Variants in PRKDC observed in about 807,000 individuals in gnomAD.
The protein encoded by PRKDC is protein kinase, DNA-activated, catalytic subunit.
PRKDC carries 82 observed loss-of-function variants against 486.9 expected under a neutral mutation model. That is an observed-to-expected ratio of 0.17 (90% CI 0.14 to 0.20). PRKDC has a LOEUF of 0.20. Among genes scored for constraint, PRKDC ranks in the 10% least tolerant of loss-of-function variants. The pLI, the probability that PRKDC is intolerant of heterozygous loss-of-function variation, is 1.00. For synonymous variants in PRKDC, 1,895 were observed against 1,837.0 expected, an observed-to-expected ratio of 1.03 and a Z score of -0.81; for missense variants, 4,504 against 5,038.2, an observed-to-expected ratio of 0.89 and a Z score of 3.21.
chr8:47,907,411 T>TATATATATAC (rs1442172975), intron 25 of PRKDC, among the ~76,000 whole-genome samples: 78 of 148,934 alleles, frequency 5.2e-4, no homozygotes, highest in Non-Finnish European at 8.3e-4. Context: ...TATATATATA[T>TATATATATAC]ACACACACAC....
At chr8:47,937,315 T>A (rs2090369241) in intron 11 of PRKDC, among the ~76,000 whole-genome samples, 1 of 152,198 alleles carries the variant, frequency 6.6e-6, no homozygotes, top group Non-Finnish European at 1.5e-5. Context: ...TGTATAATAA[T>A]CTGTAACCAC....
chr8:47,942,481 T>A (rs894605898), intron 10 of PRKDC, among the ~76,000 whole-genome samples: 35 of 152,222 alleles, frequency 2.3e-4, no homozygotes, highest in African/African-American at 8.2e-4. Context: ...CTTCCACACA[T>A]CCCGGCTGTG....
intron 80 of PRKDC, 134 bp from the exon 81 acceptor site, chr8:47,779,227 C>G: frequency 1.6e-6 from 1 of 617,080 alleles, no homozygotes; most frequent in Non-Finnish European, 2.8e-6. Flanking sequence ...TAACCATATT[C>G]AATATTAACA....
intron 13 of PRKDC, 79 bp from the exon 14 acceptor site, chr8:47,935,137 C>A: frequency 9.5e-7 from 1 of 1,053,736 alleles, no homozygotes; most frequent in South Asian, 1.6e-5. Context: ...AACAAACAGT[C>A]ATTATATTTT....
In PRKDC at chr8:47,777,821, A is replaced by C. The variant is rs1245989038; in HGVS notation, c.11907T>G (p.Asn3969Lys). The stretch of plus-strand genomic sequence containing the variant: ...CCGTTTCTTTCATTGGTAACATCAG[A>C]TTGATAAACTGGCGAGTTAGCCGAA... ...MPFRLTRQFI[N>K]LMLPMKETGL... is the part of the protein sequence containing the mutation. The change falls in exon 84 of 86, where the codon AAT becomes AAG. Residue 3969 changes from asparagine (N) to lysine (K), a missense_variant. Coordinates refer to ENST00000314191, the MANE Select transcript of PRKDC (RefSeq NM_006904.7). 1.2e-6 allele frequency: 2 copies of C among 1,613,904 alleles called. No individual in the cohort carries two copies. The highest frequency in any genetic ancestry group is 4.5e-5 in the East Asian group (2 of 44,898).
rs371935710 is a variant in PRKDC, at chr8:47,864,726, C to T, written c.5401G>A (p.Val1801Met). 7 of 1,603,766 alleles carry T rather than the reference C, an allele frequency of 4.4e-6. No homozygotes were observed. The African/African-American group carries it at 5.3e-5, about 12-fold the overall frequency. Residue 1801 changes from valine (V) to methionine (M), a missense_variant, in exon 41 of 86, where the codon GTG becomes ATG. By Grantham distance (21) the Val-to-Met change is conservative (BLOSUM62 1). Coordinates refer to ENST00000314191, the MANE Select transcript of PRKDC (RefSeq NM_006904.7). ...TCATCCTTCCTGAACATTTCATACA[C>T]GCTTTCCAGAAGGCCTACTTGTGTG... is the stretch of plus-strand genomic sequence containing the variant. ...CVTQVGLLES[V>M]YEMFRKDDPR...
intron 64 of PRKDC, among the ~76,000 whole-genome samples, chr8:47,822,479 T>C (rs530059162): frequency 4.9e-4 from 75 of 152,196 alleles, no homozygotes; most frequent in Middle Eastern, 6.8e-3. Flanking sequence ...TTGTAGAAAA[T>C]TGCAGAGGAT....
chr8:47,880,631 A>C (rs1304855802), intron 38 of PRKDC, among the ~76,000 whole-genome samples: 1 of 152,194 alleles, frequency 6.6e-6, no homozygotes, highest in Non-Finnish European at 1.5e-5. Context: ...ATCACCAAAA[A>C]TTTTTATATT....
At chr8:47,881,288 C>T in intron 38 of PRKDC, 128 bp downstream of exon 38, 1 of 622,390 alleles carries the variant, frequency 1.6e-6, no homozygotes, top group South Asian at 2.1e-5. Context: ...CGGGGGATTA[C>T]TGTGCTAGTC....
At position 47,782,363 on chromosome 8, in the gene PRKDC, C is replaced by T. The variant is rs780151027; in HGVS notation, c.11396+15G>A. The T allele has an allele frequency of 1.9e-6, 3 of 1,606,840 alleles. No homozygotes were observed. Among genetic ancestry groups the T allele is most frequent in the Non-Finnish European group, 2.5e-6 (3 of 1,176,482 alleles). On this transcript the variant is annotated intron_variant, in intron 79 of 85. Coordinates refer to ENST00000314191, the MANE Select transcript of PRKDC (RefSeq NM_006904.7). The surrounding 1 kb of genome is among the most constrained non-coding windows in gnomAD (Gnocchi z 4.9). Reference sequence around the variant, plus strand: ...TATGCAGCAGCCTACTGGCTGGGAGCAGCCTGGCAGTTACCTGGAGGTCAT... The same window carrying T: ...TATGCAGCAGCCTACTGGCTGGGAGTAGCCTGGCAGTTACCTGGAGGTCAT...
In PRKDC at chr8:47,879,507, A is replaced by C. The variant is rs2089162943; in HGVS notation, c.5219T>G (p.Val1740Gly). The C allele has an allele frequency of 8.8e-6, 14 of 1,590,834 alleles. No homozygotes were observed. In the East Asian group the frequency reaches 3.2e-4, roughly 36 times the overall value. Residue 1740 changes from valine (V) to glycine (G), a missense_variant, in exon 39 of 86, where the codon GTG (valine) becomes GGG (glycine). Val to Gly is a moderately radical substitution (Grantham distance 109). Around this residue, in one of 6 missense-constraint regions of PRKDC, gnomAD observed 1,969 missense variants for 2,068.9 expected, o/e 0.95. Transcript: ENST00000314191. Reference sequence around the variant, plus strand: ...GAAACTAACCTTTTTCATGCAGTCCACATAATTATTGAACCGCGGAGTTCC... The same window carrying C: ...GAAACTAACCTTTTTCATGCAGTCCCCATAATTATTGAACCGCGGAGTTCC... Reference protein sequence around the residue: ...PPGTPRFNNYVDCMKKFLDAL... With the variant: ...PPGTPRFNNYGDCMKKFLDAL...
chr8:47,950,937 T>A (rs528162893), intron 7 of PRKDC, among the ~76,000 whole-genome samples: 1 of 152,268 alleles, frequency 6.6e-6, no homozygotes, highest in Admixed American at 6.5e-5. Context: ...ATTGCATCTG[T>A]GAGTAGCCAC....
chr8:47,900,557 C>T (rs2089660654), intron 27 of PRKDC, 90 bp from the exon 28 acceptor site: 1 of 1,246,260 alleles, frequency 8.0e-7, no homozygotes, highest in East Asian at 2.6e-5. Context: ...AGAAGGCACA[C>T]ATTAATTAAA....
chr8:47,780,895 G>A (rs2086688747), intron 80 of PRKDC, among the ~76,000 whole-genome samples: 3 of 151,786 alleles, frequency 2.0e-5, no homozygotes, highest in East Asian at 1.9e-4. Flanking sequence ...CCGAGATCAC[G>A]CCACTGCACT....
At chr8:47,775,208 TAAATA>T (rs2086585362) in intron 85 of PRKDC, among the ~76,000 whole-genome samples, 6 of 150,882 alleles carry the variant, frequency 4.0e-5, no homozygotes, top group African/African-American at 1.2e-4. Flanking sequence ...AATAAATAAA[TAAATA>T]AATTAATTAA....
At position 47,820,927 on chromosome 8, in the gene PRKDC, T is replaced by C; in HGVS notation, c.9128A>G (p.Tyr3043Cys). The change falls in exon 66 of 86, where the codon TAC becomes TGC. Residue 3043 changes from tyrosine (Y) to cysteine (C), a missense_variant. This residue lies in a region of PRKDC where 1,592 missense variants were observed against 1,724.6 expected (regional missense o/e 0.92). Transcript: ENST00000314191. ...EPFYQETYLP[Y>C]MIRSKLKLLL... ...CAGCTTCAGCTTGCTGCGGATCATG[T>C]AAGGTAGATATGTTTCCTAAGGAAC... The C allele has an allele frequency of 1.3e-6, 2 of 1,599,164 alleles. No individual in the cohort carries two copies. The highest frequency in any genetic ancestry group is 1.7e-6 in the Non-Finnish European group (2 of 1,171,032).
rs962747528 is a variant in PRKDC, at chr8:47,822,787, A to AAAAC, written c.8923-999_8923-996dup. ...CGTGGGCGACAGAGTGAGACTCTCA[A>AAAAC]AAACAAACAAACAAACAAAACCTGG... On this transcript the variant is annotated intron_variant, in intron 64 of 85. Transcript: ENST00000314191. 5.9e-5 allele frequency among the ~76,000 whole-genome samples: 9 copies of AAAAC among 151,962 alleles called. No individual in the cohort carries two copies. In the South Asian group the frequency reaches 8.3e-4, roughly 14 times the overall value.
intron 74 of PRKDC, among the ~76,000 whole-genome samples, chr8:47,792,254 ATTTTTT>A (rs757370500): frequency 7.2e-6 from 1 of 139,462 alleles, no homozygotes; most frequent in African/African-American, 2.6e-5. Flanking sequence ...CCACAGTAAA[ATTTTTT>A]TTTTTTTTTT....
intron 70 of PRKDC, 127 bp from the exon 71 acceptor site, chr8:47,801,113 C>T (rs1256129459): frequency 2.1e-6 from 2 of 947,448 alleles, no homozygotes; most frequent in African/African-American, 1.7e-5. Flanking sequence ...GCTCTGTTAC[C>T]CAGGCTGGAG....
Sources: gnomAD v4.1 joint callset for allele counts (sites outside exome capture counted in the v4.1 genomes callset) on GRCh38, gnomAD v4.1.1 for gene constraint, gnomAD v4.1.1 regional missense constraint, Gnocchi (gnomAD v3.1) non-coding constraint, MANE v1.5 for transcripts, NCBI Gene and HGNC (gene_info 2026-07-23, HGNC 2026-07-21) for gene names.